Variants in NAA40 observed in about 807,000 individuals in gnomAD.
NAA40 encodes the protein N-alpha-acetyltransferase 40.
NAA40 carries 26 observed loss-of-function variants against 36.6 expected under a neutral mutation model. The observed-to-expected ratio is 0.71, with a 90% CI of 0.52 to 0.98. The LOEUF is 0.98. NAA40 is among the 50% of genes least tolerant of loss of function. The pLI, the probability that NAA40 is intolerant of heterozygous loss-of-function variation, is 0.00. For missense variants in NAA40, 237 were observed against 306.5 expected (o/e 0.77, Z 1.69); for synonymous variants, 129 against 108.4 (o/e 1.19, Z -1.18).
intron 1 of NAA40, among the ~76,000 whole-genome samples, chr11:63,940,358 T>C (rs1942089184): frequency 6.6e-6 from 1 of 152,148 alleles, no homozygotes; most frequent in Admixed American, 6.6e-5. Context: ...TATATTAGTA[T>C]TTACATGGAA....
chr11:63,943,149 C>T (rs1716431854), intron 1 of NAA40, among the ~76,000 whole-genome samples: 1 of 152,162 alleles, frequency 6.6e-6, no homozygotes, highest in Non-Finnish European at 1.5e-5. Context: ...CATTTGTACC[C>T]CCATCTTCAT....
intron 6 of NAA40, 82 bp from the exon 7 acceptor site, chr11:63,953,890 A>G (rs2134281463): frequency 1.6e-6 from 2 of 1,264,400 alleles, no homozygotes; most frequent in East Asian, 4.7e-5. Flanking sequence ...TTTGCCCCTC[A>G]AAGTGCTGGG....
At chr11:63,953,045 CT>C (rs34261976) in intron 6 of NAA40, among the ~76,000 whole-genome samples, 6 of 106,828 alleles carry the variant, frequency 5.6e-5, no homozygotes, top group African/African-American at 7.3e-5. Flanking sequence ...CAGTGAACAT[CT>C]TTTTTTTTTT....
intron 3 of NAA40, among the ~76,000 whole-genome samples, chr11:63,948,717 C>CA (rs993003843): frequency 7.9e-6 from 1 of 125,906 alleles, no homozygotes; most frequent in Non-Finnish European, 1.7e-5. Flanking sequence ...GACTCCATCT[C>CA]AAAAAAATGT....
chr11:63,952,370 C>T (rs564435011), intron 4 of NAA40, 37 bp downstream of exon 4: 22 of 1,613,152 alleles, frequency 1.4e-5, no homozygotes, highest in African/African-American at 2.7e-5. Flanking sequence ...TAGTTCCTCT[C>T]GCAGCTTTCC....
rs1255579231 is a variant in NAA40 at position 63,955,979 on chromosome 11, C to T, written c.*1500C>T. The T allele has an allele frequency of 6.6e-6, 1 of 152,598 alleles. No individual in the cohort carries two copies. The highest frequency in any genetic ancestry group is 2.4e-5 in the African/African-American group (1 of 41,464). The allele number at this position is 152,598 out of a possible 1,614,324, so 9.5% of individuals were successfully genotyped here. A position where few individuals can be genotyped will look rare whatever the true frequency, so the allele number is the denominator to read the frequency against. On this transcript the variant is annotated 3_prime_UTR_variant, in exon 8 of 8. Transcript: ENST00000377793. ...TGCTCACATCCCACCCTCTGCCCAACTCTGGCAGTCTCTCCTGGCAGATCT... is the reference window on the plus strand; with the variant it reads ...TGCTCACATCCCACCCTCTGCCCAATTCTGGCAGTCTCTCCTGGCAGATCT...
Position 63,939,034 on chromosome 11 carries a change from C to T in NAA40, c.-63C>T, listed in dbSNP as rs557754006. ...CTGCTGCCGCCGCTGTTGCAGCCAC[C>T]GCCGTTGCCGCCTCCCTGCCGGCAA... On this transcript the variant is annotated 5_prime_UTR_variant, in exon 1 of 8. Coordinates refer to ENST00000377793, the MANE Select transcript of NAA40 (RefSeq NM_024771.4). 14 of 1,591,314 alleles carry T rather than the reference C, an allele frequency of 8.8e-6. No individual in the cohort carries two copies. The Admixed American group carries it at 1.9e-4, about 21-fold the overall frequency.
chr11:63,941,807 G>T (rs976542576), intron 1 of NAA40, among the ~76,000 whole-genome samples: 38 of 152,130 alleles, frequency 2.5e-4, no homozygotes, highest in African/African-American at 8.9e-4. Flanking sequence ...ACCCACCTCC[G>T]CCTCCCAAAG....
At position 63,945,845 on chromosome 11, in the gene NAA40, G is replaced by A. The variant is rs3740637; in HGVS notation, c.12G>A (p.Lys4=). ...GTTGCTTTTCCCTGTTGCAGAGAAA[G>A]TCAAGCAAAGCCAAGGAGAAGAAGC... MGR[K]SSKAKEKKQK... is the part of the protein sequence containing the mutation. Residue 4 remains lysine, a synonymous_variant, in exon 2 of 8, where the codon AAG becomes AAA. Transcript: ENST00000377793. 582,080 of 1,612,696 alleles carry A rather than the reference G, an allele frequency of 0.36. 113,767 individuals carry two copies. The highest frequency in any genetic ancestry group is 0.4 in the Non-Finnish European group (468,828 of 1,178,838).
At chr11:63,945,660 C>T (rs191631275) in intron 1 of NAA40, among the ~76,000 whole-genome samples, 180 bp from the exon 2 acceptor site, 250 of 152,170 alleles carry the variant, frequency 1.6e-3, no homozygotes, top group African/African-American at 5.8e-3. Context: ...CTGAGGACTC[C>T]CCACTACAAA....
At position 63,945,820 on chromosome 11, in the gene NAA40, G is replaced by A. The variant is rs374355290; in HGVS notation, c.7-20G>A. ...ATTGGCCACAGCCATTCCAGCTAACGTTGCTTTTCCCTGTTGCAGAGAAAG... is the reference window on the plus strand; with the variant it reads ...ATTGGCCACAGCCATTCCAGCTAACATTGCTTTTCCCTGTTGCAGAGAAAG... On this transcript the variant is annotated intron_variant, in intron 1 of 7. Coordinates refer to ENST00000377793, the MANE Select transcript of NAA40 (RefSeq NM_024771.4). The A allele has an allele frequency of 2.4e-5, 39 of 1,608,652 alleles. No individual in the cohort carries two copies. The highest frequency in any genetic ancestry group is 5.3e-5 in the African/African-American group (4 of 74,844).
chr11:63,939,196 G>T (rs1942065687), intron 1 of NAA40, 94 bp downstream of exon 1: 1 of 1,320,602 alleles, frequency 7.6e-7, no homozygotes, highest in Admixed American at 3.0e-5. Context: ...ACGTGACCCC[G>T]ACCCCCTCCA....
At chr11:63,952,942 A>G in intron 6 of NAA40, 103 bp downstream of exon 6, 1 of 949,822 alleles carries the variant, frequency 1.1e-6, no homozygotes, top group South Asian at 1.5e-5. Context: ...GGAGGCTCAT[A>G]GGCATGTTTT....
chr11:63,939,224 A>T, intron 1 of NAA40, 122 bp downstream of exon 1: 2 of 989,872 alleles, frequency 2.0e-6, no homozygotes, highest in Non-Finnish European at 2.5e-6. Flanking sequence ...GTGACCCCTG[A>T]CCCCCACATG....
intron 6 of NAA40, 60 bp from the exon 7 acceptor site, chr11:63,953,912 A>C (rs1480366353): frequency 8.8e-6 from 13 of 1,471,632 alleles, no homozygotes; most frequent in Non-Finnish European, 1.2e-5. Flanking sequence ...TTACAGGTGC[A>C]TGCCACCATG....
intron 2 of NAA40, chr11:63,946,205 A>C: frequency 2.4e-6 from 1 of 420,922 alleles, no homozygotes; most frequent in Non-Finnish European, 4.3e-6. Flanking sequence ...GATCTAGATA[A>C]TTTTTTTTTC....
chr11:63,954,071 C>T, intron 7 of NAA40, 22 bp downstream of exon 7: 2 of 1,612,922 alleles, frequency 1.2e-6, no homozygotes, highest in Non-Finnish European at 1.7e-6. Flanking sequence ...GGTGTGGGCC[C>T]TTCTGGGTGG....
chr11:63,952,894 A>G lies in NAA40; in HGVS notation c.494+55A>G, dbSNP rs901958498. On this transcript the variant is annotated intron_variant, in intron 6 of 7. Transcript: ENST00000377793. ...TAGCACTCAGTTGGAAGGAGCTGTCACTGAGGCACTTGCCATTCTTTGAGC... is the reference window on the plus strand; with the variant it reads ...TAGCACTCAGTTGGAAGGAGCTGTCGCTGAGGCACTTGCCATTCTTTGAGC... 4.8e-6 allele frequency: 7 copies of G among 1,473,460 alleles called. No individual in the cohort carries two copies. In the Admixed American group the frequency reaches 1.1e-4, roughly 22 times the overall value. 91.3% of individuals were successfully genotyped at this position (1,473,460 alleles called of 1,614,324 possible).
At chr11:63,951,808 G>A (rs1471875981) in intron 3 of NAA40, among the ~76,000 whole-genome samples, 9 of 152,192 alleles carry the variant, frequency 5.9e-5, no homozygotes, top group African/African-American at 1.9e-4. Context: ...GGGTCCCATG[G>A]GAGCCTAGTG....
Sources: gnomAD v4.1 joint callset for allele counts (sites outside exome capture counted in the v4.1 genomes callset) on GRCh38, gnomAD v4.1.1 for gene constraint, MANE v1.5 for transcripts, NCBI Gene and HGNC (gene_info 2026-07-23, HGNC 2026-07-21) for gene names.